MDN1: variants seen among roughly 807,000 people sequenced by gnomAD.
The protein encoded by MDN1 is midasin.
In MDN1, 266 loss-of-function variants were observed where a neutral mutation model predicts 669.2. That is an observed-to-expected ratio of 0.40 (90% CI 0.36 to 0.44). The LOEUF (loss-of-function observed/expected upper bound fraction) is 0.44. Among genes scored for constraint, MDN1 ranks in the 20% least tolerant of loss-of-function variants. MDN1 has a pLI of 1.00. For synonymous variants in MDN1, 2,385 were observed against 2,457.1 expected, an observed-to-expected ratio of 0.97 and a Z score of 0.87; for missense variants, 5,940 against 6,754.0, an observed-to-expected ratio of 0.88 and a Z score of 4.22.
rs566816469 is a variant in MDN1 at position 89,819,490 on chromosome 6, T to A, written c.102+16A>T. On this transcript the variant is annotated intron_variant, in intron 1 of 101. Transcript: ENST00000369393. ...CCCAGTCGTTCCGGCGCTTTCCCTC[T>A]CCCTTCACGTCTTACCTGCTTGGCC... 1 of 1,602,420 alleles carries A rather than the reference T, an allele frequency of 6.2e-7. No homozygotes were observed. The highest frequency in any genetic ancestry group is 1.1e-5 in the South Asian group (1 of 91,008).
chr6:89,671,153 TAGTG>T, intron 82 of MDN1, 73 bp from the exon 83 acceptor site: 2 of 1,490,200 alleles, frequency 1.3e-6, no homozygotes, highest in Non-Finnish European at 1.8e-6. Context: ...TGGAACTAGA[TAGTG>T]GTGGTAATTG....
intron 1 of MDN1, among the ~76,000 whole-genome samples, chr6:89,815,858 C>T (rs141610871): frequency 6.6e-6 from 1 of 152,274 alleles, no homozygotes; most frequent in Non-Finnish European, 1.5e-5. Context: ...CTCATCCCTG[C>T]TTTCCCTACC....
chr6:89,785,888 C>T (rs1049770914), intron 8 of MDN1, among the ~76,000 whole-genome samples: 1 of 152,134 alleles, frequency 6.6e-6, no homozygotes, highest in Non-Finnish European at 1.5e-5. Flanking sequence ...TCATGTCGGT[C>T]GTTGGGAGGC....
chr6:89,727,218 T>C (rs1473424182), intron 37 of MDN1, among the ~76,000 whole-genome samples: 1 of 152,168 alleles, frequency 6.6e-6, no homozygotes. Context: ...CTGGGGGACC[T>C]GTTGCAGCCT....
At chr6:89,693,173 C>T in intron 62 of MDN1, 25 bp from the exon 63 acceptor site, 1 of 1,484,644 alleles carries the variant, frequency 6.7e-7, no homozygotes, top group East Asian at 2.3e-5. Flanking sequence ...ACACAATATG[C>T]CAATTATGTC....
Position 89,699,598 on chromosome 6 carries a change from T to C in MDN1, c.8997+3A>G. On this transcript the variant is annotated splice_donor_region_variant and intron_variant, in intron 58 of 101. Transcript: ENST00000369393. ...GAGGCTTATGTCTTATTGTGATTTTTACCTTCTGATGATGCAGCAAGGACC... is the reference window on the plus strand; with the variant it reads ...GAGGCTTATGTCTTATTGTGATTTTCACCTTCTGATGATGCAGCAAGGACC... 1.2e-6 allele frequency: 2 copies of C among 1,610,860 alleles called. No homozygotes were observed. Among genetic ancestry groups the C allele is most frequent in the Non-Finnish European group, 1.7e-6 (2 of 1,178,634 alleles).
At chr6:89,786,288 C>T (rs2128325602) in intron 8 of MDN1, among the ~76,000 whole-genome samples, 1 of 151,952 alleles carries the variant, frequency 6.6e-6, no homozygotes, top group South Asian at 2.1e-4. Context: ...AATAAAAAAT[C>T]AAGGTCTATC....
chr6:89,800,601 TA>T (rs1268547396), intron 2 of MDN1, among the ~76,000 whole-genome samples: 1 of 152,200 alleles, frequency 6.6e-6, no homozygotes, highest in Non-Finnish European at 1.5e-5. Context: ...TCCTGAGTTG[TA>T]TCCTTTTCTA....
At chr6:89,675,667 C>A in intron 77 of MDN1, 88 bp from the exon 78 acceptor site, 1 of 1,068,062 alleles carries the variant, frequency 9.4e-7, no homozygotes, top group South Asian at 1.3e-5. Flanking sequence ...CTACTATAAG[C>A]GTCAGACATG....
chr6:89,755,348 A>T (rs1452316319), intron 20 of MDN1, among the ~76,000 whole-genome samples: 1 of 149,436 alleles, frequency 6.7e-6, no homozygotes, highest in Non-Finnish European at 1.5e-5. Flanking sequence ...GTTTAAGACC[A>T]GCCTGCACAA....
intron 33 of MDN1, among the ~76,000 whole-genome samples, chr6:89,737,328 T>C (rs1195270408): frequency 6.6e-6 from 1 of 152,186 alleles, no homozygotes; most frequent in African/African-American, 2.4e-5. Flanking sequence ...AGAAAATGTG[T>C]GGTAGGGCAC....
At chr6:89,681,151 T>C (rs1811589319) in intron 73 of MDN1, among the ~76,000 whole-genome samples, 1 of 151,900 alleles carries the variant, frequency 6.6e-6, no homozygotes, top group Non-Finnish European at 1.5e-5. Flanking sequence ...TAATTAACAG[T>C]TTAAATTTCA....
chr6:89,642,606 A>ACAT lies in MDN1; in HGVS notation c.*1396_*1398dup, dbSNP rs780590115. ...CATATTATAGCTCAGCCTACCATGG[A>ACAT]CATAAATGCAAATGATAACCTTTGT... On this transcript the variant is annotated 3_prime_UTR_variant, in exon 102 of 102. Transcript: ENST00000369393. 1.1e-4 allele frequency: 16 copies of ACAT among 152,228 alleles called. No homozygotes were observed. Among genetic ancestry groups the ACAT allele is most frequent in the African/African-American group, 1.4e-4 (6 of 41,458 alleles). The allele number at this position is 152,228 out of a possible 1,614,324, so 9.4% of individuals were successfully genotyped here.
chr6:89,664,829 G>T (rs1463408060), intron 84 of MDN1, among the ~76,000 whole-genome samples: 3 of 152,090 alleles, frequency 2.0e-5, no homozygotes, highest in African/African-American at 7.2e-5. Flanking sequence ...ATAGAATTTT[G>T]TTCAGGTTTT....
chr6:89,670,170 A>ATTTTTTTTTT lies in MDN1; in HGVS notation c.13956+739_13956+748dup, dbSNP rs766450069. ...TATATATATATATATATATATATAT[A>ATTTTTTTTTT]TTTTTTTTTTTTTTTTTTTTGAGAT... On this transcript the variant is annotated intron_variant, in intron 83 of 101. Transcript: ENST00000369393. 7.9e-3 allele frequency among the ~76,000 whole-genome samples: 185 copies of ATTTTTTTTTT among 23,306 alleles called. 7 individuals carry two copies. Among genetic ancestry groups the ATTTTTTTTTT allele is most frequent in the Middle Eastern group, 0.062 (1 of 16 alleles). 15.3% of individuals were successfully genotyped at this position (23,306 alleles called of 152,430 possible).
intron 88 of MDN1, among the ~76,000 whole-genome samples, chr6:89,660,189 T>C (rs1809628758): frequency 6.6e-6 from 1 of 152,140 alleles, no homozygotes; most frequent in Admixed American, 6.5e-5. Flanking sequence ...GCCTGGCTAA[T>C]TTTTTAATTT....
rs138117622 is a variant in MDN1 at position 89,663,633 on chromosome 6, G to A, written c.14237-666C>T. Among the ~76,000 whole-genome samples, 16 of 152,244 alleles carry A rather than the reference G, an allele frequency of 1.1e-4. No individual in the cohort carries two copies. In the East Asian group the frequency reaches 1.5e-3, roughly 15 times the overall value. On this transcript the variant is annotated intron_variant, in intron 85 of 101. Coordinates refer to ENST00000369393, the MANE Select transcript of MDN1 (RefSeq NM_014611.3). Reference sequence around the variant, plus strand: ...TTAATGACAGGGAGAATGTTCATAAGATGTTAAATGAAAAAAGCAGGCCCA... The same window carrying A: ...TTAATGACAGGGAGAATGTTCATAAAATGTTAAATGAAAAAAGCAGGCCCA...
rs770468006 is a variant in MDN1 at position 89,714,594 on chromosome 6, C to T, written c.7018G>A (p.Val2340Ile). The T allele has an allele frequency of 1.9e-6, 3 of 1,614,070 alleles. 1 individual carries two copies. Among genetic ancestry groups the T allele is most frequent in the South Asian group, 2.2e-5 (2 of 91,070 alleles). Residue 2340 changes from valine to isoleucine, a missense_variant, in exon 46 of 102, where the codon GTA becomes ATA. Val to Ile is a conservative substitution (Grantham distance 29, BLOSUM62 3). Around this residue, in one of 5 missense-constraint regions of MDN1, gnomAD observed 2,292 missense variants for 2,638.3 expected, o/e 0.87. Transcript: ENST00000369393. ...TGTAAAGCCAAGAGGATGTCACATA[C>T]ACTGTTCCCCACCAATCCAAGGCTG... ...LHSLGLVGNS[V>I]CDILLALHTE...
chr6:89,664,454 A>C, intron 85 of MDN1, 33 bp downstream of exon 85: 1 of 1,608,138 alleles, frequency 6.2e-7, no homozygotes, highest in South Asian at 1.1e-5. Flanking sequence ...TATGCTTTCA[A>C]AAACAAGAAT....
Sources: allele counts gnomAD v4.1 joint callset (sites outside exome capture counted in the v4.1 genomes callset), GRCh38; gene constraint gnomAD v4.1.1; regional missense constraint gnomAD v4.1.1; transcripts MANE v1.5; gene names NCBI Gene and HGNC (gene_info 2026-07-23, HGNC 2026-07-21).